The following SYCP2L variants were observed in gnomAD, a reference collection of about 807,000 sequenced individuals.
SYCP2L encodes synaptonemal complex protein 2 like, also known as synaptonemal complex protein 2-like.
A neutral mutation model predicts 125.8 loss-of-function variants in SYCP2L; 98 were observed. That is an observed-to-expected ratio of 0.78 (90% confidence interval 0.66 to 0.92). SYCP2L has a LOEUF of 0.92. Among genes scored for constraint, SYCP2L ranks in the 40% least tolerant of loss-of-function variants. The pLI is 0.00. For missense variants in SYCP2L, 842 were observed against 936.4 expected (o/e 0.90, Z 1.32); for synonymous variants, 317 against 325.4 (o/e 0.97, Z 0.28).
Position 10,935,071 on chromosome 6 carries a change from C to G in SYCP2L, c.1697C>G (p.Ser566Ter). ...GHEKDQAKLL[S>*]PSEKEIPEQN... is the part of the protein sequence containing the mutation. ...ACTATATTTTAGGCTAAGCTTCTAT[C>G]ACCATCAGAGAAAGAAATACCCGAG... The change falls in exon 21 of 30, where the codon TCA becomes TGA. Residue 566 changes from serine (S) to a stop codon, truncating the protein, a stop_gained. Coordinates refer to ENST00000283141, the MANE Select transcript of SYCP2L (RefSeq NM_001040274.3). LOFTEE classifies it high-confidence loss of function. 6.2e-7 allele frequency: 1 copy of G among 1,607,806 alleles called. No individual in the cohort carries two copies. Among genetic ancestry groups the G allele is most frequent in the African/African-American group, 1.3e-5 (1 of 74,820 alleles).
rs779519879 is a variant in SYCP2L, at chr6:10,912,677, G to A, written c.923G>A (p.Arg308Lys). ...IAAFADEHEM[R>K]KPADEKLEKF... Reference sequence around the variant, plus strand: ...TGCTGAAATGATCTCTTACAGATGAGAAAACCAGCGGATGAAAAATTAGAG... The same window carrying A: ...TGCTGAAATGATCTCTTACAGATGAAAAAACCAGCGGATGAAAAATTAGAG... Residue 308 changes from arginine to lysine, a missense_variant, in exon 13 of 30, where the codon AGA (arginine) becomes AAA (lysine). By Grantham distance (26) the Arg-to-Lys change is conservative. Coordinates refer to ENST00000283141, the MANE Select transcript of SYCP2L (RefSeq NM_001040274.3). This position sits in a 1 kb window ranked among gnomAD's most constrained non-coding sequence, Gnocchi z 4.1. 6.2e-6 allele frequency: 10 copies of A among 1,612,278 alleles called. No individual in the cohort carries two copies. The South Asian group carries it at 1.1e-4, about 18-fold the overall frequency.
intron 23 of SYCP2L, among the ~76,000 whole-genome samples, chr6:10,949,338 T>A (rs963934795): frequency 6.6e-6 from 1 of 152,192 alleles, no homozygotes; most frequent in Admixed American, 6.5e-5. Context: ...GGTTAGTAGT[T>A]CTTCCTTTTT....
At chr6:10,893,491 A>G (rs986680724) in intron 2 of SYCP2L, among the ~76,000 whole-genome samples, 2 of 152,124 alleles carry the variant, frequency 1.3e-5, no homozygotes, top group Admixed American at 6.5e-5. Context: ...AGAATTCCCA[A>G]CATTGCTGAG....
intron 20 of SYCP2L, among the ~76,000 whole-genome samples, chr6:10,932,911 G>A (rs57673082): frequency 0.24 from 36,561 of 151,974 alleles, 4,792 homozygotes; most frequent in East Asian, 0.43. Flanking sequence ...CTGCCACCAC[G>A]CCCAGCTAAT....
rs1163775896 is a variant in SYCP2L, at chr6:10,894,200, CA to C, written c.335del (p.Lys112SerfsTer2). On this transcript the variant is annotated frameshift_variant, in exon 4 of 30. Coordinates refer to ENST00000283141, the MANE Select transcript of SYCP2L (RefSeq NM_001040274.3). LOFTEE classifies it high-confidence loss of function. Reference sequence around the variant, plus strand: ...CTGCTAATTCGGCAGGGACTGATCCCAAAGATAAGTGTCCTATTTTAATTTT... The same window carrying C: ...CTGCTAATTCGGCAGGGACTGATCCCAAGATAAGTGTCCTATTTTAATTTT... Reference protein sequence around the residue: ...EPLLIRQGLIPKLVSWFERTT... With the variant: ...EPLLIRQGLIXKLVSWFERTT... 1 of 1,612,062 alleles carries C rather than the reference CA, an allele frequency of 6.2e-7. No homozygotes were observed. The highest frequency in any genetic ancestry group is 8.5e-7 in the Non-Finnish European group (1 of 1,179,670).
chr6:10,972,049 C>G (rs1455478494), intron 29 of SYCP2L, among the ~76,000 whole-genome samples: 2 of 152,116 alleles, frequency 1.3e-5, no homozygotes, highest in Non-Finnish European at 2.9e-5. Flanking sequence ...AAAAATAGGA[C>G]TCGCCTCTTA....
chr6:10,928,307 T>C, intron 17 of SYCP2L, 96 bp from the exon 18 acceptor site: 11 of 566,932 alleles, frequency 1.9e-5, no homozygotes, highest in African/African-American at 5.9e-5. Flanking sequence ...TGTTCAGAGA[T>C]TGAGTAAAGA....
At chr6:10,922,447 G>A (rs542462556) in intron 14 of SYCP2L, among the ~76,000 whole-genome samples, 17 of 151,690 alleles carry the variant, frequency 1.1e-4, no homozygotes, top group African/African-American at 3.9e-4. Context: ...TTGATCCCAC[G>A]GCCCAGTTAG....
intron 21 of SYCP2L, among the ~76,000 whole-genome samples, chr6:10,936,348 C>G (rs1581834222): frequency 2.0e-5 from 3 of 151,718 alleles, no homozygotes; most frequent in African/African-American, 7.3e-5. Context: ...AATACAAAAA[C>G]TAGCCAGGCA....
intron 8 of SYCP2L, 52 bp downstream of exon 8, chr6:10,903,015 G>T: frequency 6.9e-7 from 1 of 1,445,768 alleles, no homozygotes; most frequent in South Asian, 1.1e-5. Flanking sequence ...AATCTCTCAT[G>T]AGTGTATGGC....
At chr6:10,960,801 C>A (rs1781580403) in intron 26 of SYCP2L, among the ~76,000 whole-genome samples, 1 of 152,178 alleles carries the variant, frequency 6.6e-6, no homozygotes, top group Admixed American at 6.5e-5. Context: ...TGAGGCCAGG[C>A]ACGGTGGCTC....
intron 29 of SYCP2L, among the ~76,000 whole-genome samples, chr6:10,972,156 T>A (rs536101325): frequency 2.6e-5 from 4 of 152,358 alleles, no homozygotes; most frequent in African/African-American, 9.6e-5. Flanking sequence ...AGGTTATTTT[T>A]AATTATTATT....
At position 10,912,760 on chromosome 6, in the gene SYCP2L, G is replaced by A. The variant is rs199768634; in HGVS notation, c.1006G>A (p.Ala336Thr). 278 of 1,613,244 alleles carry A rather than the reference G, an allele frequency of 1.7e-4. 2 individuals carry two copies. The Middle Eastern group carries it at 2.0e-3, about 12-fold the overall frequency. The change falls in exon 13 of 30, where the codon GCT becomes ACT. Residue 336 changes from alanine (A) to threonine (T), a missense_variant. Transcript: ENST00000283141. The surrounding 1 kb of genome is among the most constrained non-coding windows in gnomAD (Gnocchi z 4.1). ...GAGTGTCACTTTTTATATAGACAAT[G>A]CTGAGGTAATGATGTTCGATTCTTG... ...SQSVTFYIDNAENTLWDSVTL... is the reference protein window; with the variant it reads ...SQSVTFYIDNTENTLWDSVTL...
chr6:10,919,155 T>C (rs1377114969), intron 14 of SYCP2L, among the ~76,000 whole-genome samples: 2 of 152,178 alleles, frequency 1.3e-5, no homozygotes, highest in African/African-American at 4.8e-5. Flanking sequence ...AACCTTATTT[T>C]GTCATAGTAC....
chr6:10,948,477 G>T (rs982333002), intron 23 of SYCP2L, among the ~76,000 whole-genome samples: 1 of 151,990 alleles, frequency 6.6e-6, no homozygotes, highest in Non-Finnish European at 1.5e-5. Flanking sequence ...AGAGTAGAAG[G>T]GTGTGGTGGT....
At chr6:10,891,472 G>C in intron 1 of SYCP2L, 41 bp from the exon 2 acceptor site, 1 of 595,986 alleles carries the variant, frequency 1.7e-6, no homozygotes. Context: ...GCATTTCTTT[G>C]AAATAAAAAT....
intron 9 of SYCP2L, among the ~76,000 whole-genome samples, chr6:10,906,889 A>G (rs139860566): frequency 0.01 from 1,565 of 151,342 alleles, 16 homozygotes; most frequent in South Asian, 0.042. Context: ...ATGAGCCACC[A>G]CGCCTGGCCA....
intron 23 of SYCP2L, among the ~76,000 whole-genome samples, chr6:10,947,020 A>C (rs894905777): frequency 4.6e-5 from 7 of 151,390 alleles, no homozygotes; most frequent in Admixed American, 2.6e-4. Context: ...CTATTCCTTC[A>C]CTTTATTTGC....
At chr6:10,919,610 C>T (rs1233459594) in intron 14 of SYCP2L, among the ~76,000 whole-genome samples, 2 of 151,722 alleles carry the variant, frequency 1.3e-5, no homozygotes, top group Non-Finnish European at 2.9e-5. Context: ...TAGGGAGGAA[C>T]AGGCGGTGGG....
Sources: gnomAD v4.1 joint callset for allele counts (sites outside exome capture counted in the v4.1 genomes callset) on GRCh38, gnomAD v4.1.1 for gene constraint, Gnocchi (gnomAD v3.1) non-coding constraint, MANE v1.5 for transcripts, NCBI Gene and HGNC (gene_info 2026-07-23, HGNC 2026-07-21) for gene names.